Variants in SRGAP1 observed in about 807,000 individuals in gnomAD.
The protein encoded by SRGAP1 is SLIT-ROBO Rho GTPase-activating protein 1.
In SRGAP1, 43 loss-of-function variants were observed where a neutral mutation model predicts 121.9. The ratio of observed to expected loss-of-function variants is 0.35; its 90% CI spans 0.28 to 0.46. The LOEUF (loss-of-function observed/expected upper bound fraction) is 0.46, where lower values mean the gene tolerates loss of function less well. Ranked by LOEUF, SRGAP1 falls within the 20% of genes least tolerant of loss-of-function variation. The pLI is 1.00. For missense variants in SRGAP1, 1,102 were observed against 1,350.9 expected (o/e 0.82, Z 2.89); for synonymous variants, 447 against 485.4 (o/e 0.92, Z 1.04).
intron 21 of SRGAP1, among the ~76,000 whole-genome samples, chr12:64,128,687 T>G (rs2036738389): frequency 1.3e-5 from 2 of 152,172 alleles, no homozygotes; most frequent in Admixed American, 6.6e-5. Flanking sequence ...TGCAAACCCC[T>G]ACTGTATATG....
At chr12:63,981,316 ACTTTTAT>A (rs1441315242) in intron 1 of SRGAP1, among the ~76,000 whole-genome samples, 2 of 152,226 alleles carry the variant, frequency 1.3e-5, no homozygotes, top group South Asian at 2.1e-4. Flanking sequence ...TGAGATTTGT[ACTTTTAT>A]CTTTTATTTC....
At chr12:64,044,276 A>C (rs1274353791) in intron 6 of SRGAP1, among the ~76,000 whole-genome samples, 1 of 152,216 alleles carries the variant, frequency 6.6e-6, no homozygotes, top group Admixed American at 6.5e-5. Flanking sequence ...TGAGTAGCCC[A>C]GTAATTGTGC....
At chr12:63,871,694 C>T in intron 1 of SRGAP1, 1 of 763,910 alleles carries the variant, frequency 1.3e-6, no homozygotes, top group Non-Finnish European at 2.2e-6. Flanking sequence ...TTTTCTATTG[C>T]TTCAACATTT....
chr12:63,933,113 G>A (rs1419487512), intron 1 of SRGAP1, among the ~76,000 whole-genome samples: 1 of 152,104 alleles, frequency 6.6e-6, no homozygotes, highest in East Asian at 1.9e-4. Flanking sequence ...ACTTGAACCC[G>A]GGAGGTGGAG....
At chr12:63,900,586 G>C (rs2029884282) in intron 1 of SRGAP1, among the ~76,000 whole-genome samples, 1 of 152,022 alleles carries the variant, frequency 6.6e-6, no homozygotes, top group Non-Finnish European at 1.5e-5. Context: ...GATGAGGCGG[G>C]AGGATCAGAT....
chr12:63,989,680 A>G (rs761507643), intron 2 of SRGAP1, among the ~76,000 whole-genome samples: 9 of 152,254 alleles, frequency 5.9e-5, no homozygotes, highest in Admixed American at 1.3e-4. Context: ...ACCAGTGTTC[A>G]TGGTCCAAGT....
chr12:63,845,629 C>CTGAT (rs927994736), intron 1 of SRGAP1, among the ~76,000 whole-genome samples: 1 of 133,670 alleles, frequency 7.5e-6, no homozygotes, highest in African/African-American at 3.1e-5. Flanking sequence ...CTAATTAAGG[C>CTGAT]TGATTATTTT....
Position 64,155,714 on chromosome 12 carries a change from C to G in SRGAP1, c.*13042C>G, listed in dbSNP as rs1447733284. 1 of 151,954 alleles carries G rather than the reference C, an allele frequency of 6.6e-6. No individual in the cohort carries two copies. Among genetic ancestry groups the G allele is most frequent in the African/African-American group, 2.4e-5 (1 of 41,356 alleles). The allele number at this position is 151,954 out of a possible 1,614,324, so 9.4% of individuals were successfully genotyped here. A position where few individuals can be genotyped will look rare whatever the true frequency, so the allele number is the denominator to read the frequency against. On this transcript the variant is annotated 3_prime_UTR_variant, in exon 22 of 22. Transcript: ENST00000355086. ...TCACCACGACCTCGGCTCACCGCAA[C>G]CTCTGCCTCCCGGTTTCAAGCGATT... is the stretch of plus-strand genomic sequence containing the variant.
At chr12:64,053,507 G>A (rs1418209249) in intron 6 of SRGAP1, among the ~76,000 whole-genome samples, 2 of 152,160 alleles carry the variant, frequency 1.3e-5, no homozygotes, top group Non-Finnish European at 2.9e-5. Context: ...ATTTTAATTT[G>A]TAAAATAACA....
intron 1 of SRGAP1, among the ~76,000 whole-genome samples, chr12:63,919,221 C>T (rs991994064): frequency 6.6e-6 from 1 of 151,906 alleles, no homozygotes; most frequent in Non-Finnish European, 1.5e-5. Context: ...CTATGCCTGG[C>T]TACTTTCTGT....
intron 3 of SRGAP1, among the ~76,000 whole-genome samples, chr12:64,013,642 G>A (rs565797241): frequency 5.9e-5 from 9 of 152,268 alleles, no homozygotes; most frequent in African/African-American, 2.2e-4. Flanking sequence ...TGCTCCTCTA[G>A]GGCCTCTTTC....
At chr12:64,108,172 A>T (rs900599436) in intron 15 of SRGAP1, among the ~76,000 whole-genome samples, 12 of 152,224 alleles carry the variant, frequency 7.9e-5, no homozygotes, top group African/African-American at 2.9e-4. Context: ...AATGTGTTGT[A>T]GTAGTAACCT....
At chr12:64,056,909 AC>A (rs750360355) in intron 6 of SRGAP1, among the ~76,000 whole-genome samples, 2 of 151,352 alleles carry the variant, frequency 1.3e-5, no homozygotes, top group East Asian at 3.9e-4. Flanking sequence ...CTTTCCCCTA[AC>A]TCTCCCTATT....
intron 1 of SRGAP1, among the ~76,000 whole-genome samples, chr12:63,881,723 C>A (rs1201389275): frequency 6.6e-6 from 1 of 152,136 alleles, no homozygotes; most frequent in Non-Finnish European, 1.5e-5. Flanking sequence ...AGAAATGACA[C>A]CCTTTAGAGT....
intron 1 of SRGAP1, among the ~76,000 whole-genome samples, chr12:63,893,531 A>C (rs138438744): frequency 1.8e-3 from 269 of 152,314 alleles, no homozygotes; most frequent in South Asian, 6.0e-3. Flanking sequence ...GAAAAGGCTT[A>C]TTGAGTGCCT....
chr12:63,953,454 G>A (rs1238207814), intron 1 of SRGAP1, among the ~76,000 whole-genome samples: 34 of 147,428 alleles, frequency 2.3e-4, no homozygotes, highest in African/African-American at 8.3e-4. Flanking sequence ...CCAGGCTGGA[G>A]TGTAGTAGTG....
chr12:63,914,010 G>A (rs1457257377), intron 1 of SRGAP1, among the ~76,000 whole-genome samples: 1 of 150,414 alleles, frequency 6.6e-6, no homozygotes, highest in South Asian at 2.1e-4. Flanking sequence ...TAGGCTGTAA[G>A]TACCTAAGGG....
chr12:63,906,631 T>C (rs1592934615), intron 1 of SRGAP1, among the ~76,000 whole-genome samples: 2 of 152,150 alleles, frequency 1.3e-5, no homozygotes, highest in South Asian at 2.1e-4. Flanking sequence ...ATTTTACTTA[T>C]CCATTTACCT....
intron 21 of SRGAP1, among the ~76,000 whole-genome samples, chr12:64,139,567 C>T (rs1445843585): frequency 2.6e-5 from 4 of 151,894 alleles, no homozygotes; most frequent in Admixed American, 6.5e-5. Flanking sequence ...TCATGTCCTT[C>T]GCCAACTTTT....
Sources: gnomAD v4.1 joint callset for allele counts (sites outside exome capture counted in the v4.1 genomes callset) on GRCh38, gnomAD v4.1.1 for gene constraint, MANE v1.5 for transcripts, NCBI Gene and HGNC (gene_info 2026-07-23, HGNC 2026-07-21) for gene names.